FAT4: variants seen among roughly 807,000 people sequenced by gnomAD.
The protein encoded by FAT4 is protocadherin Fat 4.
In FAT4, 84 loss-of-function variants were observed where a neutral mutation model predicts 303.9. The ratio of observed to expected loss-of-function variants is 0.28; its 90% CI spans 0.23 to 0.33. The LOEUF is 0.33. Among genes scored for constraint, FAT4 ranks in the 10% least tolerant of loss-of-function variants. FAT4 has a pLI of 1.00. For synonymous variants in FAT4, 2,307 were observed against 2,298.8 expected, an observed-to-expected ratio of 1.00 and a Z score of -0.10; for missense variants, 6,005 against 6,146.8, an observed-to-expected ratio of 0.98 and a Z score of 0.77.
intron 5 of FAT4, among the ~76,000 whole-genome samples, chr4:125,412,208 T>G (rs1734875434): frequency 6.6e-6 from 1 of 151,892 alleles, no homozygotes; most frequent in Non-Finnish European, 1.5e-5. Flanking sequence ...TATGTCTGCA[T>G]GTATTTTTTA....
intron 4 of FAT4, 103 bp from the exon 5 acceptor site, chr4:125,408,341 A>G: frequency 3.0e-6 from 2 of 674,530 alleles, no homozygotes; most frequent in Non-Finnish European, 4.9e-6. Context: ...TTCAGTTAAG[A>G]TATTTTACTG....
intron 2 of FAT4, among the ~76,000 whole-genome samples, chr4:125,358,342 C>T (rs1345116038): frequency 1.3e-5 from 2 of 151,932 alleles, no homozygotes; most frequent in African/African-American, 2.4e-5. Flanking sequence ...TTACATTTAT[C>T]GTGCACTTTA....
In FAT4 at chr4:125,450,255, C is replaced by T. The variant is rs971599524; in HGVS notation, c.9245C>T (p.Thr3082Ile). ...CAAGCAACTGTTCACATAACTGTCA[C>T]TGAGGAAAACTACCATACACCTGAA... ...SSQATVHITV[T>I]EENYHTPEFS... The change falls in exon 10 of 18, where the codon ACT (threonine) becomes ATT (isoleucine). Residue 3082 changes from threonine (T) to isoleucine (I), a missense_variant. Coordinates refer to ENST00000394329, the MANE Select transcript of FAT4 (RefSeq NM_001291303.3). 6.2e-7 allele frequency: 1 copy of T among 1,613,978 alleles called. No homozygotes were observed. Among genetic ancestry groups the T allele is most frequent in the African/African-American group, 1.3e-5 (1 of 74,918 alleles).
At position 125,368,755 on chromosome 4, in the gene FAT4, GAA is replaced by G. The variant is rs553345137; in HGVS notation, c.5176-30027_5176-30026del. ...TTTTTTTTTTTGAGAGAGAGAGAGA[GAA>G]AGAGAAAGTTGGCTTCTAGCCATAA... On this transcript the variant is annotated intron_variant, in intron 2 of 17. Coordinates refer to ENST00000394329, the MANE Select transcript of FAT4 (RefSeq NM_001291303.3). Among the ~76,000 whole-genome samples the G allele has an allele frequency of 2.3e-3, 353 of 151,774 alleles. 4 individuals carry two copies. Among genetic ancestry groups the G allele is most frequent in the Admixed American group, 7.9e-3 (121 of 15,234 alleles).
At chr4:125,335,642 C>A (rs1731542618) in intron 2 of FAT4, among the ~76,000 whole-genome samples, 1 of 151,590 alleles carries the variant, frequency 6.6e-6, no homozygotes, top group Non-Finnish European at 1.5e-5. Flanking sequence ...TTTTAAGCTT[C>A]ATTAAAGGAT....
chr4:125,393,611 CATT>C (rs1734054493), intron 2 of FAT4, among the ~76,000 whole-genome samples: 1 of 151,928 alleles, frequency 6.6e-6, no homozygotes, highest in Non-Finnish European at 1.5e-5. Flanking sequence ...AAGAGAAAAG[CATT>C]ATATTATTTT....
At chr4:125,470,397 A>G (rs1560628004) in intron 12 of FAT4, among the ~76,000 whole-genome samples, 1 of 152,172 alleles carries the variant, frequency 6.6e-6, no homozygotes, top group Admixed American at 6.5e-5. Flanking sequence ...CCAGGCATTC[A>G]CTTCTTTTCT....
intron 2 of FAT4, among the ~76,000 whole-genome samples, chr4:125,374,084 G>A (rs919414788): frequency 1.3e-5 from 2 of 152,100 alleles, no homozygotes; most frequent in Non-Finnish European, 2.9e-5. Flanking sequence ...TTTGGCTTGG[G>A]ATTTTTTTAT....
Position 125,451,398 on chromosome 4 carries a change from A to C in FAT4, c.10388A>C (p.Gln3463Pro). The C allele has an allele frequency of 6.2e-7, 1 of 1,614,184 alleles. No individual in the cohort carries two copies. ...GAFSINPQTG[Q>P]ITVTAELDRE... is the part of the protein sequence containing the mutation. ...TTTTCTATTAATCCGCAGACAGGAC[A>C]GATCACCGTTACTGCAGAATTAGAT... The change falls in exon 10 of 18, where the codon CAG (glutamine) becomes CCG (proline). Residue 3463 changes from glutamine to proline, a missense_variant. Physicochemically the swap from Gln to Pro is moderately conservative, Grantham distance 76 (BLOSUM62 -1). Transcript: ENST00000394329.
At chr4:125,385,538 A>G (rs1733714893) in intron 2 of FAT4, among the ~76,000 whole-genome samples, 1 of 152,186 alleles carries the variant, frequency 6.6e-6, no homozygotes, top group African/African-American at 2.4e-5. Flanking sequence ...TGAAAACTAA[A>G]ATCAAAGTAT....
rs1730758213 is a variant in FAT4, at chr4:125,318,609, G to A, written c.2198G>A (p.Arg733Lys). The A allele has an allele frequency of 1.9e-6, 3 of 1,614,040 alleles. No homozygotes were observed. The African/African-American group carries it at 4.0e-5, about 22-fold the overall frequency. Reference protein sequence around the residue: ...TVKYSISAGDRSRFQVNAQSG... With the variant: ...TVKYSISAGDKSRFQVNAQSG... ...AAATATAGCATATCTGCTGGGGACA[G>A]GTCTCGGTTTCAGGTCAATGCTCAG... The change falls in exon 2 of 18, where the codon AGG becomes AAG. Residue 733 changes from arginine (R) to lysine (K), a missense_variant. Physicochemically the swap from Arg to Lys is conservative, Grantham distance 26 (BLOSUM62 2). Transcript: ENST00000394329.
intron 2 of FAT4, among the ~76,000 whole-genome samples, chr4:125,386,833 A>G (rs1023181650): frequency 1.3e-5 from 2 of 152,178 alleles, no homozygotes; most frequent in Non-Finnish European, 2.9e-5. Context: ...AGATATAAGG[A>G]CATATAACTA....
At chr4:125,477,998 T>G (rs1026799814) in intron 14 of FAT4, among the ~76,000 whole-genome samples, 3 of 152,174 alleles carry the variant, frequency 2.0e-5, no homozygotes, top group African/African-American at 7.2e-5. Flanking sequence ...ATGTTTTGAC[T>G]GCTTAGTATC....
chr4:125,478,834 G>T (rs1727123812), intron 14 of FAT4, among the ~76,000 whole-genome samples: 2 of 152,114 alleles, frequency 1.3e-5, no homozygotes, highest in Non-Finnish European at 2.9e-5. Context: ...AGCCTAGAAT[G>T]GTTTTTAAAA....
intron 2 of FAT4, among the ~76,000 whole-genome samples, chr4:125,324,358 T>G (rs1352703322): frequency 6.6e-6 from 1 of 152,104 alleles, no homozygotes; most frequent in Non-Finnish European, 1.5e-5. Flanking sequence ...GTTTTATTGG[T>G]CTTTGTTATT....
At chr4:125,425,987 G>A (rs1189587183) in intron 7 of FAT4, among the ~76,000 whole-genome samples, 1 of 152,024 alleles carries the variant, frequency 6.6e-6, no homozygotes, top group Non-Finnish European at 1.5e-5. Context: ...GCTTTTTAAT[G>A]GAGGGAAACA....
chr4:125,337,557 C>T (rs1731621379), intron 2 of FAT4, among the ~76,000 whole-genome samples: 2 of 151,828 alleles, frequency 1.3e-5, no homozygotes, highest in African/African-American at 4.8e-5. Context: ...GAATATTTAA[C>T]TACAAGTTAA....
intron 2 of FAT4, among the ~76,000 whole-genome samples, chr4:125,343,333 G>A (rs1000029811): frequency 6.6e-6 from 1 of 152,210 alleles, no homozygotes; most frequent in Non-Finnish European, 1.5e-5. Context: ...GAATTAAGCA[G>A]CTTCAGTTCT....
rs199779397 is a variant in FAT4, at chr4:125,317,786, G to T, written c.1375G>T (p.Ala459Ser). The change falls in exon 2 of 18, where the codon GCA becomes TCA. Residue 459 changes from alanine to serine, a missense_variant. Ala to Ser is a moderately conservative substitution (Grantham distance 99). Transcript: ENST00000394329. This position sits in a 1 kb window ranked among gnomAD's most constrained non-coding sequence, Gnocchi z 7.0. ...AGCAGTCCAGGCGCGCTCTTCTGTG[G>T]CAAGCCTGGTGATTTTTGTTAATGA... ...GAAVQARSSV[A>S]SLVIFVNDIN... 1.2e-5 allele frequency: 20 copies of T among 1,614,086 alleles called. No individual in the cohort carries two copies. Among genetic ancestry groups the T allele is most frequent in the Non-Finnish European group, 1.5e-5 (18 of 1,180,046 alleles).
Sources: gnomAD v4.1 joint callset for allele counts (sites outside exome capture counted in the v4.1 genomes callset) on GRCh38, gnomAD v4.1.1 for gene constraint, Gnocchi (gnomAD v3.1) non-coding constraint, MANE v1.5 for transcripts, NCBI Gene and HGNC (gene_info 2026-07-23, HGNC 2026-07-21) for gene names.